Variants in FCHO2 observed in about 807,000 individuals in gnomAD.
FCHO2 encodes FCH and mu domain containing endocytic adaptor 2.
FCHO2 carries 43 observed loss-of-function variants against 114.1 expected under a neutral mutation model. That is an observed-to-expected ratio of 0.38 (90% confidence interval 0.30 to 0.49). The LOEUF (loss-of-function observed/expected upper bound fraction) is 0.49. FCHO2 is among the 20% of genes least tolerant of loss of function. FCHO2 has a pLI of 0.97. For missense variants in FCHO2, 807 were observed against 950.4 expected (o/e 0.85, Z 1.98); for synonymous variants, 293 against 315.2 (o/e 0.93, Z 0.75).
rs781686902 is a variant in FCHO2 at position 73,068,787 on chromosome 5, AT to A, written c.1579+10del. The A allele has an allele frequency of 6.2e-7, 1 of 1,610,046 alleles. No homozygotes were observed. The highest frequency in any genetic ancestry group is 8.5e-7 in the Non-Finnish European group (1 of 1,177,884). On this transcript the variant is annotated intron_variant, in intron 19 of 25. Coordinates refer to ENST00000430046, the MANE Select transcript of FCHO2 (RefSeq NM_138782.3). ...CCAATACTCCAACAGTAGGTAAGTG[AT>A]TATCATCAATTACATGTGAAATGTA...
intron 17 of FCHO2, among the ~76,000 whole-genome samples, chr5:73,060,185 T>A (rs1757790831): frequency 6.6e-6 from 1 of 152,054 alleles, no homozygotes; most frequent in Non-Finnish European, 1.5e-5. Context: ...TTTCATTTAG[T>A]GGTCATTGAT....
chr5:73,063,830 C>T lies in FCHO2; in HGVS notation c.1346-11C>T. 3 of 1,607,776 alleles carry T rather than the reference C, an allele frequency of 1.9e-6. No individual in the cohort carries two copies. Among genetic ancestry groups the T allele is most frequent in the Non-Finnish European group, 2.6e-6 (3 of 1,176,236 alleles). ...TGATTTTCTTCAAATTCTCTTTTCC[C>T]CCTCAACCAGCCAGGCCCACAACTC... On this transcript the variant is annotated splice_polypyrimidine_tract_variant and intron_variant, in intron 17 of 25. Transcript: ENST00000430046.
chr5:73,001,669 G>A (rs1266109690), intron 5 of FCHO2, among the ~76,000 whole-genome samples: 1 of 151,766 alleles, frequency 6.6e-6, no homozygotes, highest in East Asian at 1.9e-4. Context: ...GCTAGGCTGG[G>A]CATGGTGGTG....
At chr5:72,964,009 T>C (rs1342846543) in intron 1 of FCHO2, among the ~76,000 whole-genome samples, 1 of 151,522 alleles carries the variant, frequency 6.6e-6, no homozygotes. Context: ...TTCTGTCTCT[T>C]TGTAGGCATA....
chr5:73,014,817 C>T lies in FCHO2; in HGVS notation c.601-809C>T, dbSNP rs547299369. ...AAATTCGGCTGGGTGCGGTGGCTCA[C>T]GCCTGTATCCCAGCACTTTTGGAGG... On this transcript the variant is annotated intron_variant, in intron 6 of 25. Transcript: ENST00000430046. 7.2e-5 allele frequency among the ~76,000 whole-genome samples: 11 copies of T among 152,012 alleles called. No homozygotes were observed. The South Asian group carries it at 1.2e-3, about 17-fold the overall frequency.
chr5:72,980,160 G>A (rs1187755670), intron 2 of FCHO2, among the ~76,000 whole-genome samples: 1 of 152,096 alleles, frequency 6.6e-6, no homozygotes, highest in African/African-American at 2.4e-5. Flanking sequence ...TGTTCTCATT[G>A]GTTTCAAAGA....
At chr5:73,019,431 A>G (rs539698565) in intron 8 of FCHO2, among the ~76,000 whole-genome samples, 5 of 152,258 alleles carry the variant, frequency 3.3e-5, no homozygotes, top group South Asian at 2.1e-4. Flanking sequence ...AATCCCAGCT[A>G]CTTGGGAGGC....
At chr5:72,996,772 C>T (rs1754130698) in intron 5 of FCHO2, 6 of 608,442 alleles carry the variant, frequency 9.9e-6, no homozygotes, top group Non-Finnish European at 1.7e-5. Flanking sequence ...ACTTTCTGAG[C>T]CGCTTGCTCC....
intron 11 of FCHO2, among the ~76,000 whole-genome samples, chr5:73,042,508 T>C (rs1309490561): frequency 6.6e-6 from 1 of 152,182 alleles, no homozygotes; most frequent in Non-Finnish European, 1.5e-5. Context: ...TTTATAATGA[T>C]CAATATTATC....
chr5:72,991,679 T>C (rs937831231), intron 5 of FCHO2, among the ~76,000 whole-genome samples: 3 of 152,220 alleles, frequency 2.0e-5, no homozygotes, highest in African/African-American at 7.2e-5. Context: ...ACTTATTTGA[T>C]GTGGTATATC....
intron 6 of FCHO2, among the ~76,000 whole-genome samples, chr5:73,013,684 C>T (rs1371924838): frequency 1.3e-5 from 2 of 151,820 alleles, no homozygotes; most frequent in South Asian, 2.1e-4. Flanking sequence ...TTTTTTTTCT[C>T]CAAGATGGAG....
chr5:73,061,356 G>A (rs1757845119), intron 17 of FCHO2, among the ~76,000 whole-genome samples: 1 of 152,006 alleles, frequency 6.6e-6, no homozygotes, highest in Non-Finnish European at 1.5e-5. Context: ...CTTCTTCCGT[G>A]TATTGTTATT....
intron 1 of FCHO2, among the ~76,000 whole-genome samples, chr5:72,965,509 A>G (rs1411039809): frequency 6.6e-6 from 1 of 152,224 alleles, no homozygotes; most frequent in African/African-American, 2.4e-5. Flanking sequence ...CAGTATTTTC[A>G]AAGTGCAGTA....
At chr5:73,051,252 G>C in intron 11 of FCHO2, 97 bp from the exon 12 acceptor site, 1 of 754,848 alleles carries the variant, frequency 1.3e-6, no homozygotes, top group African/African-American at 1.8e-5. Context: ...CTGAGAAGCG[G>C]TTTGGTTCCT....
rs2112901681 is a variant in FCHO2, at chr5:73,088,572, C to A, written c.*482C>A. 1 of 160,098 alleles carries A rather than the reference C, an allele frequency of 6.2e-6. No individual in the cohort carries two copies. Among genetic ancestry groups the A allele is most frequent in the African/African-American group, 2.4e-5 (1 of 41,632 alleles). The allele number at this position is 160,098 out of a possible 1,614,324, so 9.9% of individuals were successfully genotyped here. On this transcript the variant is annotated 3_prime_UTR_variant, in exon 26 of 26. Transcript: ENST00000430046. ...GTAATGTTAACTCAGAACACTTAAT[C>A]AAATTGAGCTATGTGCCATAAGGTA...
chr5:73,017,307 T>G lies in FCHO2; in HGVS notation c.795T>G (p.Pro265=). The G allele has an allele frequency of 6.5e-7, 1 of 1,541,206 alleles. No homozygotes were observed. The highest frequency in any genetic ancestry group is 8.8e-7 in the Non-Finnish European group (1 of 1,139,418). Residue 265 remains proline (P), a splice_region_variant and synonymous_variant, in exon 8 of 26, where the codon CCT becomes CCG. Transcript: ENST00000430046. The part of the protein sequence containing the change: ...AESKGTGKER[P]GLIEFEECDT... ...CAAAAGGCACTGGGAAGGAAAGACCTGGTAAGATGATAAACTCTGCAAGGA... is the reference window on the plus strand; with the variant it reads ...CAAAAGGCACTGGGAAGGAAAGACCGGGTAAGATGATAAACTCTGCAAGGA...
chr5:73,034,776 AG>A, intron 9 of FCHO2, 75 bp downstream of exon 9: 1 of 1,217,394 alleles, frequency 8.2e-7, no homozygotes, highest in Non-Finnish European at 1.1e-6. Flanking sequence ...ACAAATAAGG[AG>A]GGACTGCTAT....
intron 17 of FCHO2, 42 bp downstream of exon 17, chr5:73,058,566 A>C: frequency 1.2e-6 from 1 of 851,032 alleles, no homozygotes; most frequent in Non-Finnish European, 1.7e-6. Flanking sequence ...TAAATAAAGA[A>C]TACTTTAGTT....
intron 15 of FCHO2, 108 bp downstream of exon 15, chr5:73,054,657 A>C: frequency 1.3e-6 from 1 of 767,362 alleles, no homozygotes; most frequent in South Asian, 1.8e-5. Flanking sequence ...TCTCATCATG[A>C]GCCCTACTGC....
Sources: gnomAD v4.1 joint callset for allele counts (sites outside exome capture counted in the v4.1 genomes callset) on GRCh38, gnomAD v4.1.1 for gene constraint, MANE v1.5 for transcripts, NCBI Gene and HGNC (gene_info 2026-07-23, HGNC 2026-07-21) for gene names.